B4GALNT3: variants seen among roughly 807,000 people sequenced by gnomAD.
B4GALNT3 encodes the protein beta-1,4-N-acetylgalactosaminyltransferase 3.
In B4GALNT3, 86 loss-of-function variants were observed where a neutral mutation model predicts 120.2. The observed-to-expected ratio is 0.72, with a 90% CI of 0.60 to 0.86. The LOEUF is 0.86. Ranked by LOEUF, B4GALNT3 falls within the 40% of genes least tolerant of loss-of-function variation. B4GALNT3 has a pLI of 0.00. For missense variants in B4GALNT3, 1,167 were observed against 1,298.9 expected (o/e 0.90, Z 1.56); for synonymous variants, 518 against 510.4 (o/e 1.01, Z -0.20).
chr12:508,981 C>T (rs546919354), intron 1 of B4GALNT3, among the ~76,000 whole-genome samples: 15 of 152,350 alleles, frequency 9.8e-5, no homozygotes, highest in African/African-American at 3.4e-4. Context: ...CTTTAACAGC[C>T]TTGCTGGGGA....
chr12:498,969 T>C (rs543276163), intron 1 of B4GALNT3, among the ~76,000 whole-genome samples: 1 of 152,318 alleles, frequency 6.6e-6, no homozygotes, highest in African/African-American at 2.4e-5. Flanking sequence ...AATCCAATGA[T>C]GAATGGCAAG....
chr12:513,080 C>G (rs1240099397), intron 1 of B4GALNT3, among the ~76,000 whole-genome samples: 2 of 148,312 alleles, frequency 1.3e-5, no homozygotes, highest in African/African-American at 2.5e-5. Flanking sequence ...TTTGACCTTT[C>G]ACCTTCCACC....
chr12:557,616 C>G lies in B4GALNT3; in HGVS notation c.2389C>G (p.Gln797Glu). 6.2e-7 allele frequency: 1 copy of G among 1,609,738 alleles called. No homozygotes were observed. The highest frequency in any genetic ancestry group is 2.2e-5 in the East Asian group (1 of 44,734). The change falls in exon 16 of 20, where the codon CAG becomes GAG. Residue 797 changes from glutamine to glutamate, a missense_variant. Coordinates refer to ENST00000266383, the MANE Select transcript of B4GALNT3 (RefSeq NM_173593.4). ...VVHFVVPVKNQARWVQQFIKD... is the reference protein window; with the variant it reads ...VVHFVVPVKNEARWVQQFIKD... ...CTGACCCCCTGGGGTAGTGAAGAACCAGGCACGCTGGGTACAGCAATTCAT... is the reference window on the plus strand; with the variant it reads ...CTGACCCCCTGGGGTAGTGAAGAACGAGGCACGCTGGGTACAGCAATTCAT...
At chr12:497,102 T>C (rs974549187) in intron 1 of B4GALNT3, among the ~76,000 whole-genome samples, 1 of 152,336 alleles carries the variant, frequency 6.6e-6, no homozygotes, top group East Asian at 1.9e-4. Context: ...CTGAGAGTAC[T>C]GGGATTACAG....
intron 11 of B4GALNT3, among the ~76,000 whole-genome samples, chr12:551,665 A>G (rs907658561): frequency 6.6e-6 from 1 of 152,174 alleles, no homozygotes; most frequent in Non-Finnish European, 1.5e-5. Flanking sequence ...GAAGCAGTGA[A>G]GTAAATAGGA....
chr12:511,544 T>TCTG (rs1555154941), intron 1 of B4GALNT3, among the ~76,000 whole-genome samples: 5 of 114,194 alleles, frequency 4.4e-5, no homozygotes, highest in African/African-American at 1.7e-4. Flanking sequence ...CCTTCTACCT[T>TCTG]CCTTCCACCT....
At chr12:495,186 C>T (rs1946377066) in intron 1 of B4GALNT3, among the ~76,000 whole-genome samples, 2 of 152,210 alleles carry the variant, frequency 1.3e-5, no homozygotes, top group African/African-American at 4.8e-5. Flanking sequence ...TCAAGTTACA[C>T]AGTCACACTG....
chr12:529,134 G>T (rs1946783118), intron 1 of B4GALNT3, among the ~76,000 whole-genome samples: 1 of 152,106 alleles, frequency 6.6e-6, no homozygotes, highest in Non-Finnish European at 1.5e-5. Flanking sequence ...CCCTTGCCCA[G>T]GGACAAGCCC....
chr12:478,007 T>C (rs1946200006), intron 1 of B4GALNT3, among the ~76,000 whole-genome samples: 1 of 152,118 alleles, frequency 6.6e-6, no homozygotes, highest in African/African-American at 2.4e-5. Context: ...CCTGGCACTT[T>C]CAGAGGCTGC....
At chr12:524,256 C>T (rs928247409) in intron 1 of B4GALNT3, among the ~76,000 whole-genome samples, 8 of 152,214 alleles carry the variant, frequency 5.3e-5, no homozygotes, top group Admixed American at 5.2e-4. Flanking sequence ...CATGCCTTCT[C>T]CGTCCTATTT....
intron 14 of B4GALNT3, among the ~76,000 whole-genome samples, chr12:554,463 A>G (rs1483972828): frequency 6.6e-6 from 1 of 152,204 alleles, no homozygotes; most frequent in African/African-American, 2.4e-5. Flanking sequence ...CATTAAAATC[A>G]CCATTTTAAG....
intron 1 of B4GALNT3, among the ~76,000 whole-genome samples, chr12:485,727 T>A (rs1277572374): frequency 1.3e-5 from 2 of 152,192 alleles, no homozygotes; most frequent in Non-Finnish European, 2.9e-5. Flanking sequence ...ATATATAAAT[T>A]ATACTTTAAA....
In B4GALNT3 at chr12:545,354, C is replaced by G; in HGVS notation, c.539-15C>G. ...CCCTCCTTGCCCTCATCTGGAAACT[C>G]TCCCCGCTGCCCAGGGAAAATCCAG... On this transcript the variant is annotated splice_polypyrimidine_tract_variant and intron_variant, in intron 5 of 19. Transcript: ENST00000266383. 1.2e-6 allele frequency: 2 copies of G among 1,603,256 alleles called. No homozygotes were observed. The highest frequency in any genetic ancestry group is 1.7e-6 in the Non-Finnish European group (2 of 1,175,636).
chr12:542,576 C>T (rs1025065773), intron 3 of B4GALNT3, among the ~76,000 whole-genome samples: 2 of 152,092 alleles, frequency 1.3e-5, no homozygotes, highest in South Asian at 2.1e-4. Flanking sequence ...TGGGGTGATC[C>T]GAGGCCCACT....
chr12:481,064 A>G (rs188433998), intron 1 of B4GALNT3, among the ~76,000 whole-genome samples: 176 of 152,278 alleles, frequency 1.2e-3, no homozygotes, highest in African/African-American at 4.0e-3. Context: ...AGCTCCCACC[A>G]CAAAGACCAT....
Position 552,673 on chromosome 12 carries a change from G to A in B4GALNT3, c.1270+145G>A, listed in dbSNP as rs116368009. On this transcript the variant is annotated intron_variant, in intron 13 of 19. Coordinates refer to ENST00000266383, the MANE Select transcript of B4GALNT3 (RefSeq NM_173593.4). The stretch of plus-strand genomic sequence containing the variant: ...GACCTCTCCCTTCACACCCAAGGGA[G>A]TGGAGAGCATGACTCCTGCCTTTTC... 88 of 708,098 alleles carry A rather than the reference G, an allele frequency of 1.2e-4. 1 individual carries two copies. The African/African-American group carries it at 1.4e-3, about 11-fold the overall frequency. The allele number at this position is 708,098 out of a possible 1,614,324, so 43.9% of individuals were successfully genotyped here. A position where few individuals can be genotyped will look rare whatever the true frequency, so the allele number is the denominator to read the frequency against.
At chr12:480,967 A>G (rs1946237358) in intron 1 of B4GALNT3, among the ~76,000 whole-genome samples, 1 of 152,196 alleles carries the variant, frequency 6.6e-6, no homozygotes, top group Non-Finnish European at 1.5e-5. Flanking sequence ...TCGGCAGCCA[A>G]CACAGAAACA....
chr12:553,951 C>G lies in B4GALNT3; in HGVS notation c.2028C>G (p.Val676=), dbSNP rs137867559. The change falls in exon 14 of 20, where the codon GTC becomes GTG. Residue 676 remains valine (V), a synonymous_variant. Transcript: ENST00000266383. ...PEQEALEVTR[V]FLKKLNQRSR... is the part of the protein sequence containing the mutation. ...AGGAAGCTCTGGAGGTCACGCGAGT[C>G]TTCTTGAAGAAGCTCAACCAGAGGA... 44,971 of 1,613,550 alleles carry G rather than the reference C, an allele frequency of 0.028. 787 individuals are homozygous for G. The highest frequency in any genetic ancestry group is 0.033 in the Middle Eastern group (203 of 6,060).
At chr12:461,737 G>T (rs940735847) in intron 1 of B4GALNT3, among the ~76,000 whole-genome samples, 10 of 152,198 alleles carry the variant, frequency 6.6e-5, no homozygotes, top group African/African-American at 2.4e-4. Context: ...CAAAGAGAGA[G>T]AATTACTAGG....
Sources: allele counts gnomAD v4.1 joint callset (sites outside exome capture counted in the v4.1 genomes callset), GRCh38; gene constraint gnomAD v4.1.1; transcripts MANE v1.5; gene names NCBI Gene and HGNC (gene_info 2026-07-23, HGNC 2026-07-21).